Variants in C2orf80 observed in about 807,000 individuals in gnomAD.
C2orf80 encodes chromosome 2 open reading frame 80.
Under a neutral mutation model 30.2 loss-of-function variants are expected in C2orf80, and 28 were observed. That is an observed-to-expected ratio of 0.93 (90% CI 0.69 to 1.27). C2orf80 has a LOEUF of 1.27. Ranked by LOEUF, C2orf80 falls within the 50% of genes most tolerant of loss-of-function variation. The pLI, the probability that C2orf80 is intolerant of heterozygous loss-of-function variation, is 0.00. For missense variants in C2orf80, 220 were observed against 231.0 expected (o/e 0.95, Z 0.31); for synonymous variants, 80 against 76.4 (o/e 1.05, Z -0.24).
chr2:208,182,996 C>T lies in C2orf80; in HGVS notation c.175G>A (p.Glu59Lys), dbSNP rs779428333. Residue 59 changes from glutamate to lysine, a missense_variant, in exon 4 of 9, where the codon GAA becomes AAA. Coordinates refer to ENST00000341287, the MANE Select transcript of C2orf80 (RefSeq NM_001099334.3). ...TCCCACTCCAGCCAAGTTAAGTCTT[C>T]TGAGGGATCCAGCCATTGCAAAGCA... is the stretch of plus-strand genomic sequence containing the variant. ...SVALQWLDPSEDLTWLEWEEL... is the reference protein window; with the variant it reads ...SVALQWLDPSKDLTWLEWEEL... The T allele has an allele frequency of 6.2e-7, 1 of 1,614,080 alleles. No homozygotes were observed. The highest frequency in any genetic ancestry group is 8.5e-7 in the Non-Finnish European group (1 of 1,179,954).
intron 6 of C2orf80, among the ~76,000 whole-genome samples, chr2:208,178,743 C>A (rs1282757284): frequency 6.6e-6 from 1 of 151,976 alleles, no homozygotes; most frequent in East Asian, 1.9e-4. Flanking sequence ...GGGAGACCCC[C>A]ATCCCTAAAA....
At chr2:208,169,975 C>G (rs190710627) in intron 8 of C2orf80, among the ~76,000 whole-genome samples, 1 of 152,170 alleles carries the variant, frequency 6.6e-6, no homozygotes. Flanking sequence ...CCTCTGAAAT[C>G]TGAATAAATC....
chr2:208,180,136 C>T (rs541797804), intron 6 of C2orf80, among the ~76,000 whole-genome samples: 2 of 151,896 alleles, frequency 1.3e-5, no homozygotes, highest in African/African-American at 2.4e-5. Flanking sequence ...AAAAAGTGTA[C>T]GTGAAAAATT....
chr2:208,171,309 C>T (rs1301187640), intron 7 of C2orf80, among the ~76,000 whole-genome samples: 3 of 151,906 alleles, frequency 2.0e-5, no homozygotes, highest in African/African-American at 4.8e-5. Context: ...CCATGGCCAG[C>T]TATTTTATTT....
intron 1 of C2orf80, among the ~76,000 whole-genome samples, chr2:208,188,905 A>T (rs1402566229): frequency 6.6e-6 from 1 of 152,130 alleles, no homozygotes. Flanking sequence ...GTCAATGGGG[A>T]GAGGATGCAG....
At chr2:208,173,626 AAAAAACAAAAAC>A (rs140049286) in intron 6 of C2orf80, among the ~76,000 whole-genome samples, 6 of 151,390 alleles carry the variant, frequency 4.0e-5, no homozygotes, top group Non-Finnish European at 8.8e-5. Flanking sequence ...CTCCATCTCA[AAAAAACAAAAAC>A]AAAAACAAAA....
At chr2:208,168,863 G>T (rs1695998233) in intron 8 of C2orf80, among the ~76,000 whole-genome samples, 1 of 150,430 alleles carries the variant, frequency 6.6e-6, no homozygotes, top group African/African-American at 2.5e-5. Context: ...GCATCAATCA[G>T]CCTATAGAAA....
At chr2:208,176,684 C>T (rs1281884954) in intron 6 of C2orf80, among the ~76,000 whole-genome samples, 1 of 151,956 alleles carries the variant, frequency 6.6e-6, no homozygotes, top group Non-Finnish European at 1.5e-5. Context: ...CACGACAACC[C>T]CATCTTTGCG....
At position 208,180,828 on chromosome 2, in the gene C2orf80, C is replaced by A. The variant is rs759948270; in HGVS notation, c.295-12G>T. 6 of 1,608,174 alleles carry A rather than the reference C, an allele frequency of 3.7e-6. No individual in the cohort carries two copies. The South Asian group carries it at 5.5e-5, about 15-fold the overall frequency. Reference sequence around the variant, plus strand: ...ATCGGGATACTGTTCTGTTAAACAACAACAGCAATAACAAAGTATGATCAT... The same window carrying A: ...ATCGGGATACTGTTCTGTTAAACAAAAACAGCAATAACAAAGTATGATCAT... On this transcript the variant is annotated splice_polypyrimidine_tract_variant and intron_variant, in intron 5 of 8. Transcript: ENST00000341287.
chr2:208,184,860 G>A, intron 3 of C2orf80, 91 bp downstream of exon 3: 1 of 1,024,856 alleles, frequency 9.8e-7, no homozygotes, highest in Non-Finnish European at 1.5e-6. Flanking sequence ...GTCAATATTA[G>A]CCTTGTTTAT....
chr2:208,187,199 G>A, intron 1 of C2orf80, 138 bp from the exon 2 acceptor site: 1 of 535,348 alleles, frequency 1.9e-6, no homozygotes, highest in Non-Finnish European at 3.3e-6. Context: ...GGGTCAAAAA[G>A]CCACCTGGAG....
chr2:208,184,014 A>C (rs1696640810), intron 3 of C2orf80, among the ~76,000 whole-genome samples: 1 of 152,214 alleles, frequency 6.6e-6, no homozygotes, highest in Admixed American at 6.5e-5. Flanking sequence ...TAAACGGTGG[A>C]ATTATTTCTT....
intron 6 of C2orf80, among the ~76,000 whole-genome samples, chr2:208,180,437 G>A (rs1000655531): frequency 3.3e-5 from 5 of 149,260 alleles, no homozygotes; most frequent in Non-Finnish European, 7.4e-5. Context: ...GTGACAGAGT[G>A]AGACTCTGTC....
At chr2:208,179,357 G>C (rs984071614) in intron 6 of C2orf80, among the ~76,000 whole-genome samples, 8 of 152,234 alleles carry the variant, frequency 5.3e-5, no homozygotes, top group Admixed American at 3.3e-4. Flanking sequence ...TGACCCCACT[G>C]CTTGCACAAT....
At chr2:208,177,148 A>ATATATACATACATATATATTT (rs1480871289) in intron 6 of C2orf80, among the ~76,000 whole-genome samples, 1 of 147,184 alleles carries the variant, frequency 6.8e-6, no homozygotes, top group East Asian at 2.0e-4. Flanking sequence ...CATATATATT[A>ATATATACATACATATATATTT]TATATAGTGT....
intron 8 of C2orf80, among the ~76,000 whole-genome samples, chr2:208,166,453 C>T (rs931493214): frequency 2.6e-5 from 4 of 152,178 alleles, no homozygotes; most frequent in African/African-American, 9.6e-5. Context: ...CTTAACCAAT[C>T]CTACCCAAAG....
chr2:208,189,475 A>C (rs1696813938), intron 1 of C2orf80, among the ~76,000 whole-genome samples: 1 of 152,198 alleles, frequency 6.6e-6, no homozygotes, highest in African/African-American at 2.4e-5. Flanking sequence ...CACCTTGAAC[A>C]AATTAATTTG....
Position 208,172,000 on chromosome 2 carries a change from C to G in C2orf80, c.442G>C (p.Ala148Pro). The change falls in exon 7 of 9, where the codon GCC becomes CCC. Residue 148 changes from alanine (A) to proline (P), a missense_variant. Physicochemically the swap from Ala to Pro is conservative, Grantham distance 27 (BLOSUM62 -1). Coordinates refer to ENST00000341287, the MANE Select transcript of C2orf80 (RefSeq NM_001099334.3). ...TAACCAGGCTTACTCTGTTTGCGGG[C>G]GTATGCTGCTGCTTTGGGTGCTGTT... ...MLTAPKAAAY[A>P]RKQSVKSRKV... 1 of 1,613,642 alleles carries G rather than the reference C, an allele frequency of 6.2e-7. No homozygotes were observed. Among genetic ancestry groups the G allele is most frequent in the African/African-American group, 1.3e-5 (1 of 75,022 alleles).
At position 208,183,049 on chromosome 2, in the gene C2orf80, T is replaced by C. The variant is rs995574462; in HGVS notation, c.124-2A>G. On this transcript the variant is annotated splice_acceptor_variant, in intron 3 of 8. Transcript: ENST00000341287. LOFTEE classifies it high-confidence loss of function. The stretch of plus-strand genomic sequence containing the variant: ...ACTGATGGCCAAGTCATAGTGTGCC[T>C]GGGAGCAGGAAGCACAGAGAGCAAA... 1.2e-6 allele frequency: 2 copies of C among 1,613,714 alleles called. No individual in the cohort carries two copies. The highest frequency in any genetic ancestry group is 1.7e-6 in the Non-Finnish European group (2 of 1,179,612).
Sources: allele counts gnomAD v4.1 joint callset (sites outside exome capture counted in the v4.1 genomes callset), GRCh38; gene constraint gnomAD v4.1.1; transcripts MANE v1.5; gene names NCBI Gene and HGNC (gene_info 2026-07-23, HGNC 2026-07-21).